The following GLI2 variants were observed in gnomAD, a reference collection of about 807,000 sequenced individuals.
GLI2 encodes the protein GLI family zinc finger 2, also known as transcription activator GLI2.
In GLI2, 22 loss-of-function variants were observed where a neutral mutation model predicts 78.9. That is an observed-to-expected ratio of 0.28 (90% CI 0.20 to 0.40). GLI2 has a LOEUF of 0.40. Among genes scored for constraint, GLI2 ranks in the 10% least tolerant of loss-of-function variants. The probability of loss-of-function intolerance (pLI) is 1.00; values close to 1 mark genes in which losing one functional copy is unlikely to be tolerated. For missense variants in GLI2, 2,097 were observed against 2,213.2 expected, an observed-to-expected ratio of 0.95 and a Z score of 1.05; for synonymous variants, 974 against 963.7, an observed-to-expected ratio of 1.01 and a Z score of -0.20.
Position 120,990,438 on chromosome 2 carries a change from C to T in GLI2, c.4473C>T (p.Pro1491=), listed in dbSNP as rs139840265. ...STVDSQLLEA[P]QIDFDAIMDD... ...TGGACTCCCAGCTCCTGGAGGCCCC[C>T]CAGATTGACTTCGATGCCATCATGG... Residue 1491 remains proline, a synonymous_variant, in exon 14 of 14, where the codon CCC becomes CCT. Transcript: ENST00000361492. 58 of 1,613,956 alleles carry T rather than the reference C, an allele frequency of 3.6e-5. No individual in the cohort carries two copies. In the African/African-American group the frequency reaches 6.3e-4, roughly 17 times the overall value.
rs369580183 is a variant in GLI2, at chr2:120,970,610, G to T, written c.1059+4G>T. 1 of 1,612,252 alleles carries T rather than the reference G, an allele frequency of 6.2e-7. No individual in the cohort carries two copies. Among genetic ancestry groups the T allele is most frequent in the African/African-American group, 1.3e-5 (1 of 74,904 alleles). ...CTGTCTGAGTGACACCAACCAGGTA[G>T]GTGGGTGCAGGGGCCAGGATGGCCA... On this transcript the variant is annotated splice_donor_region_variant and intron_variant, in intron 7 of 13. Coordinates refer to ENST00000361492, the MANE Select transcript of GLI2 (RefSeq NM_001374353.1).
At chr2:120,775,848 T>C (rs1211026364) in intron 1 of GLI2, among the ~76,000 whole-genome samples, 2 of 152,180 alleles carry the variant, frequency 1.3e-5, no homozygotes, top group African/African-American at 4.8e-5. Context: ...TGCCATGTCG[T>C]ACAGGGGCAC....
intron 2 of GLI2, among the ~76,000 whole-genome samples, chr2:120,879,614 C>T (rs1274988619): frequency 1.3e-5 from 2 of 152,184 alleles, no homozygotes; most frequent in African/African-American, 4.8e-5. Context: ...TCAGGTGACA[C>T]GTGGCCACCT....
chr2:120,916,558 C>T (rs1033816630), intron 2 of GLI2, among the ~76,000 whole-genome samples: 3 of 152,270 alleles, frequency 2.0e-5, no homozygotes, highest in Non-Finnish European at 4.4e-5. Flanking sequence ...CAGGGTCAGG[C>T]TCTCCAGCTG....
At chr2:120,984,322 A>T (rs1682863739) in intron 11 of GLI2, 149 bp from the exon 12 acceptor site, 1 of 842,368 alleles carries the variant, frequency 1.2e-6, no homozygotes, top group African/African-American at 1.7e-5. Context: ...TCCACAGAGC[A>T]CTGGCTGCAA....
chr2:120,969,628 G>C (rs892633545), intron 6 of GLI2, among the ~76,000 whole-genome samples: 1 of 152,260 alleles, frequency 6.6e-6, no homozygotes, highest in Non-Finnish European at 1.5e-5. Context: ...TTTGAGACAG[G>C]CTGAGCTCCG....
intron 5 of GLI2, among the ~76,000 whole-genome samples, chr2:120,964,122 C>T (rs1341677022): frequency 6.6e-6 from 1 of 152,174 alleles, no homozygotes; most frequent in African/African-American, 2.4e-5. Flanking sequence ...AAAGCTCACC[C>T]CCACCCTTGT....
intron 2 of GLI2, among the ~76,000 whole-genome samples, chr2:120,919,338 G>A (rs1679256160): frequency 6.6e-6 from 1 of 152,250 alleles, no homozygotes; most frequent in Non-Finnish European, 1.5e-5. Context: ...TCATCCCAGA[G>A]ACGTGCCAAG....
chr2:120,794,421 C>A (rs1375870811), intron 1 of GLI2, among the ~76,000 whole-genome samples: 1 of 152,106 alleles, frequency 6.6e-6, no homozygotes, highest in Non-Finnish European at 1.5e-5. Context: ...AGGGGCTCAG[C>A]AGGGGAGGGA....
At chr2:120,909,010 G>A (rs941257809) in intron 2 of GLI2, among the ~76,000 whole-genome samples, 1 of 152,140 alleles carries the variant, frequency 6.6e-6, no homozygotes, top group Non-Finnish European at 1.5e-5. Context: ...GGGGTGCAGT[G>A]TTGTCTATGG....
chr2:120,969,756 G>A (rs933985105), intron 6 of GLI2, among the ~76,000 whole-genome samples: 2 of 152,206 alleles, frequency 1.3e-5, no homozygotes, highest in Admixed American at 6.5e-5. Flanking sequence ...CCTCATCTGT[G>A]AGCCTCTGCT....
chr2:120,771,549 G>T (rs1444217889), intron 1 of GLI2, among the ~76,000 whole-genome samples: 1 of 107,070 alleles, frequency 9.3e-6, no homozygotes, highest in East Asian at 2.6e-4. Flanking sequence ...AGATGTTTCT[G>T]TTGAAAGCCA....
chr2:120,989,807 G>A lies in GLI2; in HGVS notation c.3842G>A (p.Arg1281His), dbSNP rs370407550. Reference sequence around the variant, plus strand: ...CCTGACCCCACCACGATGGGCAATCGCCACAGGGAACTTGGGGTCCCCGAT... The same window carrying A: ...CCTGACCCCACCACGATGGGCAATCACCACAGGGAACTTGGGGTCCCCGAT... ...VAPDPTTMGNRHRELGVPDSA... is the reference protein window; with the variant it reads ...VAPDPTTMGNHHRELGVPDSA... Residue 1281 changes from arginine to histidine, a missense_variant, in exon 14 of 14, where the codon CGC becomes CAC. Physicochemically the swap from Arg to His is conservative, Grantham distance 29. Transcript: ENST00000361492. 14 of 1,610,602 alleles carry A rather than the reference G, an allele frequency of 8.7e-6. No individual in the cohort carries two copies. The highest frequency in any genetic ancestry group is 1.3e-5 in the African/African-American group (1 of 75,032).
intron 8 of GLI2, chr2:120,972,643 A>G (rs781543544): frequency 7.7e-6 from 4 of 518,830 alleles, no homozygotes; most frequent in African/African-American, 7.7e-5. Context: ...GAAGTGCCTG[A>G]CTGGGTTCCA....
chr2:120,951,405 C>T lies in GLI2; in HGVS notation c.417C>T (p.Leu139=). Residue 139 remains leucine, a synonymous_variant, in exon 4 of 14, where the codon CTC becomes CTT. Transcript: ENST00000361492. ...YLRSVHSSPT[L]SMISAARGLS... is the part of the protein sequence containing the mutation. ...GTTCTGTGCACAGCAGCCCCACGCT[C>T]TCCATGATCTCTGCAGCCAGGGGCC... 2 of 1,613,546 alleles carry T rather than the reference C, an allele frequency of 1.2e-6. No homozygotes were observed. The highest frequency in any genetic ancestry group is 1.7e-6 in the Non-Finnish European group (2 of 1,179,608).
At chr2:120,946,073 A>G (rs1265611791) in intron 3 of GLI2, among the ~76,000 whole-genome samples, 2 of 151,560 alleles carry the variant, frequency 1.3e-5, no homozygotes, top group African/African-American at 4.9e-5. Context: ...TTCATCCCTC[A>G]AGACCCAGCC....
At chr2:120,842,783 C>G (rs1019062235) in intron 2 of GLI2, among the ~76,000 whole-genome samples, 5 of 152,234 alleles carry the variant, frequency 3.3e-5, no homozygotes, top group Admixed American at 2.6e-4. Context: ...AATGAAAATA[C>G]TTACACTTCA....
intron 2 of GLI2, among the ~76,000 whole-genome samples, chr2:120,844,882 A>G (rs1353932064): frequency 2.6e-5 from 4 of 152,172 alleles, no homozygotes; most frequent in Non-Finnish European, 4.4e-5. Flanking sequence ...GAGTTGCTGC[A>G]TGATTCCAGG....
chr2:120,989,895 C>T lies in GLI2; in HGVS notation c.3930C>T (p.His1310=), dbSNP rs747777822. ...PVQSYPQQSH[H]LAASMSQEGY... ...AGAGCTACCCACAGCAGAGCCATCA[C>T]CTGGCAGCCTCCATGAGCCAGGAGG... The change falls in exon 14 of 14, where the codon CAC becomes CAT. Residue 1310 remains histidine (H), a synonymous_variant. Transcript: ENST00000361492. 1 of 1,613,012 alleles carries T rather than the reference C, an allele frequency of 6.2e-7. No individual in the cohort carries two copies. Among genetic ancestry groups the T allele is most frequent in the Non-Finnish European group, 8.5e-7 (1 of 1,179,954 alleles).
Sources: gnomAD v4.1 joint callset for allele counts (sites outside exome capture counted in the v4.1 genomes callset) on GRCh38, gnomAD v4.1.1 for gene constraint, MANE v1.5 for transcripts, NCBI Gene and HGNC (gene_info 2026-07-23, HGNC 2026-07-21) for gene names.